The following ANXA4 variants were observed in gnomAD, a reference collection of about 807,000 sequenced individuals.
ANXA4 encodes the protein 35-beta calcimedin.
A neutral mutation model predicts 49.8 loss-of-function variants in ANXA4; 39 were observed. The ratio of observed to expected loss-of-function variants is 0.78; its 90% CI spans 0.61 to 1.02. The LOEUF is 1.02. Ranked by LOEUF, ANXA4 falls within the 50% of genes least tolerant of loss-of-function variation. The pLI is 0.00. For synonymous variants in ANXA4, 134 were observed against 152.5 expected (o/e 0.88, Z 0.89); for missense variants, 360 against 410.1 (o/e 0.88, Z 1.05).
chr2:69,741,157 T>TA (rs1670384019), upstream of ANXA4, among the ~76,000 whole-genome samples: 1 of 152,194 alleles, frequency 6.6e-6, no homozygotes, highest in East Asian at 1.9e-4. Context: ...AGGGTGCCAT[T>TA]AACCACTTAG....
chr2:69,696,075 A>G (rs1212435920), intron 2 of ANXA4, among the ~76,000 whole-genome samples: 1 of 152,130 alleles, frequency 6.6e-6, no homozygotes, highest in East Asian at 1.9e-4. Context: ...AATTTGCCGC[A>G]TTTATTGACT....
At chr2:69,757,552 T>C (rs1573203944) in intron 1 of ANXA4, among the ~76,000 whole-genome samples, 1 of 149,592 alleles carries the variant, frequency 6.7e-6, no homozygotes, top group South Asian at 2.1e-4. Flanking sequence ...GGGTTACAGG[T>C]GTGAGCCACC....
intron 1 of ANXA4, among the ~76,000 whole-genome samples, chr2:69,748,402 T>A (rs978927560): frequency 6.0e-5 from 9 of 148,848 alleles, no homozygotes; most frequent in African/African-American, 1.8e-4. Flanking sequence ...AAAAAAAAAA[T>A]GAGAGAAAAG....
At chr2:69,740,737 C>T, upstream of ANXA4, among the ~76,000 whole-genome samples, 1 of 132,846 alleles carries the variant, frequency 7.5e-6, no homozygotes, top group South Asian at 2.3e-4. Context: ...GGCTGGCGTG[C>T]AGTGGCGCAA....
intron 11 of ANXA4, among the ~76,000 whole-genome samples, chr2:69,820,252 A>G (rs1380411976): frequency 6.7e-6 from 1 of 149,850 alleles, no homozygotes; most frequent in African/African-American, 2.4e-5. Flanking sequence ...TTTTTTTTCA[A>G]TATTTGTTTT....
chr2:69,775,408 A>T (rs1671924090), intron 1 of ANXA4, among the ~76,000 whole-genome samples: 1 of 152,154 alleles, frequency 6.6e-6, no homozygotes, highest in Admixed American at 6.5e-5. Context: ...GGTAGCTTTT[A>T]CCTTTACTAA....
intron 2 of ANXA4, among the ~76,000 whole-genome samples, chr2:69,705,924 T>C (rs1233715803): frequency 2.0e-5 from 3 of 152,126 alleles, no homozygotes; most frequent in Non-Finnish European, 4.4e-5. Flanking sequence ...AGAGCAAGAC[T>C]TTGTCTCAAA....
At chr2:69,673,146 C>A (rs941306942) in intron 2 of ANXA4, among the ~76,000 whole-genome samples, 5 of 152,066 alleles carry the variant, frequency 3.3e-5, no homozygotes, top group South Asian at 2.1e-4. Context: ...ACCATTTGAC[C>A]CAGCAATCCC....
chr2:69,741,490 A>G (rs1469019977), upstream of ANXA4, among the ~76,000 whole-genome samples: 1 of 152,154 alleles, frequency 6.6e-6, no homozygotes, highest in Non-Finnish European at 1.5e-5. Flanking sequence ...CCTAACTCCT[A>G]CTCCAAAGCT....
chr2:69,691,611 A>G (rs922553684), intron 2 of ANXA4, among the ~76,000 whole-genome samples: 1 of 152,032 alleles, frequency 6.6e-6, no homozygotes, highest in Non-Finnish European at 1.5e-5. Context: ...ACGCATGCAC[A>G]TATGCATGCC....
At chr2:69,761,338 A>G (rs1671277312) in intron 1 of ANXA4, among the ~76,000 whole-genome samples, 1 of 152,228 alleles carries the variant, frequency 6.6e-6, no homozygotes, top group South Asian at 2.1e-4. Context: ...TTTCACATCA[A>G]TTTACATGCT....
At chr2:69,650,324 A>G (rs1676185986) in intron 1 of ANXA4, among the ~76,000 whole-genome samples, 1 of 152,106 alleles carries the variant, frequency 6.6e-6, no homozygotes, top group South Asian at 2.1e-4. Flanking sequence ...GAGCCAAAGT[A>G]CCCTCCAGGA....
At chr2:69,668,332 T>C (rs567890343) in intron 2 of ANXA4, among the ~76,000 whole-genome samples, 1 of 152,246 alleles carries the variant, frequency 6.6e-6, no homozygotes, top group South Asian at 2.1e-4. Context: ...AAGTATGATA[T>C]ACGGCATGGT....
chr2:69,775,199 T>G (rs1331770881), intron 1 of ANXA4, among the ~76,000 whole-genome samples: 6 of 152,242 alleles, frequency 3.9e-5, no homozygotes, highest in African/African-American at 1.4e-4. Flanking sequence ...TTGTCTAATC[T>G]CAGCATGATT....
Position 69,656,337 on chromosome 2 carries a change from A to ATATATGTGTG in ANXA4, n.766+3060_766+3061insGTGTGTATAT, listed in dbSNP as rs1559046473. On this transcript the variant is annotated intron_variant and non_coding_transcript_variant, in intron 2 of 3. Transcript: ENST00000418066. ...TGTATATATATGTATATATATGTGTATATATATGTGTATATATGTGTATAT... is the reference window on the plus strand; with the variant it reads ...TGTATATATATGTATATATATGTGTATATATGTGTGTATATATGTGTATATATGTGTATAT... 1.5e-4 allele frequency among the ~76,000 whole-genome samples: 14 copies of ATATATGTGTG among 92,996 alleles called. 1 individual carries two copies. Among genetic ancestry groups the ATATATGTGTG allele is most frequent in the African/African-American group, 9.1e-4 (14 of 15,400 alleles). The allele number at this position is 92,996 out of a possible 152,430, so 61.0% of individuals were successfully genotyped here. A position where few individuals can be genotyped will look rare whatever the true frequency, so the allele number is the denominator to read the frequency against.
chr2:69,795,887 T>A (rs1323276813), intron 3 of ANXA4, among the ~76,000 whole-genome samples: 1 of 152,136 alleles, frequency 6.6e-6, no homozygotes, highest in Non-Finnish European at 1.5e-5. Flanking sequence ...AATATTGGGT[T>A]AGAGTCTTTC....
At chr2:69,717,315 G>T (rs1450540772) in intron 2 of ANXA4, among the ~76,000 whole-genome samples, 1 of 152,166 alleles carries the variant, frequency 6.6e-6, no homozygotes, top group Non-Finnish European at 1.5e-5. Context: ...AACTGAGGCT[G>T]GTGCTGGAAA....
chr2:69,801,403 GT>G (rs11404114), intron 3 of ANXA4, among the ~76,000 whole-genome samples: 13 of 148,104 alleles, frequency 8.8e-5, no homozygotes, highest in Admixed American at 4.0e-4. Flanking sequence ...TCTGTTTTTT[GT>G]TTTTTTTTTC....
At chr2:69,776,717 TACACTA>T (rs974020573) in intron 1 of ANXA4, among the ~76,000 whole-genome samples, 1 of 152,004 alleles carries the variant, frequency 6.6e-6, no homozygotes, top group African/African-American at 2.4e-5. Flanking sequence ...ACACATAAAA[TACACTA>T]ACACTAACAA....
Sources: gnomAD v4.1 joint callset for allele counts (sites outside exome capture counted in the v4.1 genomes callset) on GRCh38, gnomAD v4.1.1 for gene constraint, MANE v1.5 for transcripts, NCBI Gene and HGNC (gene_info 2026-07-23, HGNC 2026-07-21) for gene names.